Variants in SLC39A14 observed in about 807,000 individuals in gnomAD.
SLC39A14 encodes metal cation symporter ZIP14.
SLC39A14 carries 19 observed loss-of-function variants against 45.5 expected under a neutral mutation model. The ratio of observed to expected loss-of-function variants is 0.42; its 90% CI spans 0.29 to 0.61. The LOEUF is 0.61. SLC39A14 is among the 20% of genes least tolerant of loss of function. The probability of loss-of-function intolerance (pLI) is 0.22; values close to 1 mark genes in which losing one functional copy is unlikely to be tolerated. For synonymous variants in SLC39A14, 264 were observed against 251.3 expected, an observed-to-expected ratio of 1.05 and a Z score of -0.48; for missense variants, 447 against 616.5, an observed-to-expected ratio of 0.73 and a Z score of 2.91.
chr8:22,414,952 C>G, intron 5 of SLC39A14, 50 bp downstream of exon 5: 1 of 1,596,620 alleles, frequency 6.3e-7, no homozygotes, highest in East Asian at 2.2e-5. Flanking sequence ...AAACACCCAT[C>G]TCAAACAATG....
In SLC39A14 at chr8:22,422,483, A is replaced by G. The variant is rs1836284932; in HGVS notation, c.*2785A>G. ...CAATATGCTGGGCATCTACTTTAAA[A>G]CAAAGTTGTCTGATTTTTGCAAGAG... On this transcript the variant is annotated 3_prime_UTR_variant, in exon 9 of 9. Coordinates refer to ENST00000381237, the MANE Select transcript of SLC39A14 (RefSeq NM_001128431.4). The G allele has an allele frequency of 1.0e-6, 1 of 985,760 alleles. No individual in the cohort carries two copies. The highest frequency in any genetic ancestry group is 1.7e-5 in the African/African-American group (1 of 57,234). The allele number at this position is 985,760 out of a possible 1,614,324, so 61.1% of individuals were successfully genotyped here.
chr8:22,411,445 T>G (rs1835560326), intron 3 of SLC39A14, among the ~76,000 whole-genome samples: 1 of 152,260 alleles, frequency 6.6e-6, no homozygotes, highest in African/African-American at 2.4e-5. Flanking sequence ...AATTAATCGT[T>G]CTCCATCCCT....
intron 1 of SLC39A14, among the ~76,000 whole-genome samples, chr8:22,388,497 AG>A: frequency 6.8e-6 from 1 of 148,144 alleles, no homozygotes; most frequent in South Asian, 2.1e-4. Flanking sequence ...CCCAGGCAGA[AG>A]GGCCATAGCA....
chr8:22,374,740 C>A (rs1174099352), intron 1 of SLC39A14, among the ~76,000 whole-genome samples: 2 of 104,026 alleles, frequency 1.9e-5, no homozygotes, highest in Non-Finnish European at 3.8e-5. Context: ...CCAGCCTGCT[C>A]TTTTTTTTTT....
At position 22,409,576 on chromosome 8, in the gene SLC39A14, T is replaced by G. The variant is rs145979693; in HGVS notation, c.457+1080T>G. Among the ~76,000 whole-genome samples, 24 of 152,050 alleles carry G rather than the reference T, an allele frequency of 1.6e-4. No homozygotes were observed. The East Asian group carries it at 4.5e-3, about 28-fold the overall frequency. On this transcript the variant is annotated intron_variant, in intron 3 of 8. Transcript: ENST00000381237. ...TTTTTGTATTTAGTAGAGATGGGGT[T>G]TCACCATGTTAGTCAGGCCGGTCTC...
chr8:22,371,935 A>G lies in SLC39A14; in HGVS notation c.-16+4527A>G, dbSNP rs1197356183. ...AATTTTTGTATTTTTAGTAGAGACG[A>G]GGTTTCACCATGTTGGCCAGGCTGG... is the stretch of plus-strand genomic sequence containing the variant. On this transcript the variant is annotated intron_variant, in intron 1 of 8. Transcript: ENST00000381237. 1.6e-3 allele frequency among the ~76,000 whole-genome samples: 218 copies of G among 137,116 alleles called. No individual in the cohort carries two copies. In the Middle Eastern group the frequency reaches 0.02, roughly 13 times the overall value. The allele number at this position is 137,116 out of a possible 152,430, so 90.0% of individuals were successfully genotyped here.
Position 22,408,304 on chromosome 8 carries a change from T to C in SLC39A14, c.271-6T>C. 1 of 1,611,752 alleles carries C rather than the reference T, an allele frequency of 6.2e-7. No homozygotes were observed. The highest frequency in any genetic ancestry group is 2.2e-5 in the East Asian group (1 of 44,812). ...TAAGCGGCTTCCTGCCCTTCCTGTG[T>C]TTCAGTGCTTTAGTTCTGGAGACCT... On this transcript the variant is annotated splice_region_variant and splice_polypyrimidine_tract_variant and intron_variant, in intron 2 of 8. Coordinates refer to ENST00000381237, the MANE Select transcript of SLC39A14 (RefSeq NM_001128431.4).
At chr8:22,425,889 G>GTTTTTTTTTTTTT (rs549782856), downstream of SLC39A14, among the ~76,000 whole-genome samples, 12 of 76,296 alleles carry the variant, frequency 1.6e-4, no homozygotes, top group Admixed American at 3.1e-4. Context: ...GATGGTTTTT[G>GTTTTTTTTTTTTT]TTTTTTTTTT....
downstream of SLC39A14, among the ~76,000 whole-genome samples, chr8:22,424,280 T>C (rs1212054988): frequency 6.6e-6 from 1 of 152,214 alleles, no homozygotes; most frequent in Non-Finnish European, 1.5e-5. Flanking sequence ...CAATGCGACT[T>C]AAAATGCTAA....
intron 1 of SLC39A14, among the ~76,000 whole-genome samples, chr8:22,369,177 G>A (rs1832802940): frequency 6.6e-6 from 1 of 152,126 alleles, no homozygotes; most frequent in African/African-American, 2.4e-5. Context: ...CAGTGGAAGG[G>A]GGTCCTCTGG....
chr8:22,373,131 T>TTG (rs1287269030), intron 1 of SLC39A14, among the ~76,000 whole-genome samples: 35 of 152,012 alleles, frequency 2.3e-4, no homozygotes, highest in African/African-American at 8.4e-4. Flanking sequence ...GGTGTGGTGG[T>TTG]GCACGCCTGT....
At chr8:22,390,730 G>C (rs1176330037) in intron 1 of SLC39A14, 2 of 151,042 alleles carry the variant, frequency 1.3e-5, no homozygotes, top group East Asian at 3.9e-4. Context: ...TTTTTAACAG[G>C]GTCTCGCTCT....
chr8:22,408,523 C>A (rs1328737146), intron 3 of SLC39A14, 27 bp downstream of exon 3: 1 of 1,594,476 alleles, frequency 6.3e-7, no homozygotes. Flanking sequence ...AGGCAGGAGC[C>A]CATCTCCCAT....
intron 1 of SLC39A14, among the ~76,000 whole-genome samples, chr8:22,395,726 T>C (rs1834346728): frequency 6.6e-6 from 1 of 152,218 alleles, no homozygotes; most frequent in South Asian, 2.1e-4. Context: ...TTAATGAGGT[T>C]ATTCCTCCGT....
chr8:22,391,633 C>A (rs1267112109), intron 1 of SLC39A14, among the ~76,000 whole-genome samples: 1 of 151,474 alleles, frequency 6.6e-6, no homozygotes, highest in Non-Finnish European at 1.5e-5. Context: ...TGCAGTGGCG[C>A]GATCTCGGCT....
intron 8 of SLC39A14, among the ~76,000 whole-genome samples, chr8:22,429,170 G>C (rs559677709): frequency 1.3e-5 from 2 of 152,162 alleles, no homozygotes; most frequent in Non-Finnish European, 1.5e-5. Context: ...TACTCGGGAG[G>C]CTGAGGCAGG....
At chr8:22,398,683 G>A in intron 1 of SLC39A14, 1 of 983,436 alleles carries the variant, frequency 1.0e-6, no homozygotes, top group African/African-American at 1.7e-5. Flanking sequence ...TCCTCTCTGA[G>A]AGGGGAGGTG....
At chr8:22,372,873 G>C (rs12114955) in intron 1 of SLC39A14, among the ~76,000 whole-genome samples, 2,378 of 151,978 alleles carry the variant, frequency 0.016, 53 homozygotes, top group African/African-American at 0.054. Context: ...GGCTTCAAGC[G>C]ATCCTTCTGC....
At position 22,414,855 on chromosome 8, in the gene SLC39A14, T is replaced by G. The variant is rs1835781037; in HGVS notation, c.703T>G (p.Phe235Val). The G allele has an allele frequency of 6.2e-7, 1 of 1,613,510 alleles. No individual in the cohort carries two copies. The highest frequency in any genetic ancestry group is 1.3e-5 in the African/African-American group (1 of 74,864). ...AVVFGGFYLF[F>V]FTEKILKILL... ...GGTGTTTGGGGGCTTTTATCTTTTC[T>G]TTTTCACAGAGAAGATCTTGAAGAT... The change falls in exon 5 of 9, where the codon TTT becomes GTT. Residue 235 changes from phenylalanine to valine, a missense_variant. Around this residue, in one of 2 missense-constraint regions of SLC39A14, gnomAD observed 342 missense variants for 428.1 expected, o/e 0.80. Transcript: ENST00000381237.
Sources: allele counts gnomAD v4.1 joint callset (sites outside exome capture counted in the v4.1 genomes callset), GRCh38; gene constraint gnomAD v4.1.1; regional missense constraint gnomAD v4.1.1; transcripts MANE v1.5; gene names NCBI Gene and HGNC (gene_info 2026-07-23, HGNC 2026-07-21).